The following FOXP2 variants were observed in gnomAD, a reference collection of about 807,000 sequenced individuals.
The protein encoded by FOXP2 is forkhead box P2, also known as forkhead box protein P2.
In FOXP2, 12 loss-of-function variants were observed where a neutral mutation model predicts 115.8. That is an observed-to-expected ratio of 0.10 (90% CI 0.07 to 0.17). The LOEUF is 0.17. FOXP2 is among the 10% of genes least tolerant of loss of function. FOXP2 has a pLI of 1.00. For synonymous variants in FOXP2, 328 were observed against 297.7 expected (o/e 1.10, Z -1.05); for missense variants, 629 against 843.5 (o/e 0.75, Z 3.15).
At chr7:114,643,145 A>T (rs1338924449) in intron 7 of FOXP2, among the ~76,000 whole-genome samples, 2 of 151,922 alleles carry the variant, frequency 1.3e-5, no homozygotes, top group Non-Finnish European at 2.9e-5. Context: ...CAGTTCAAAT[A>T]CCAAAAGTTT....
intron 2 of FOXP2, among the ~76,000 whole-genome samples, chr7:114,347,313 C>A (rs1053481664): frequency 7.2e-5 from 11 of 151,808 alleles, no homozygotes; most frequent in Non-Finnish European, 1.5e-4. Context: ...CTATACAATA[C>A]GCACACATAT....
At chr7:114,200,344 T>C (rs1794028149) in intron 1 of FOXP2, among the ~76,000 whole-genome samples, 1 of 152,210 alleles carries the variant, frequency 6.6e-6, no homozygotes, top group Admixed American at 6.5e-5. Flanking sequence ...GACATAGATA[T>C]AATATGTGAC....
At chr7:114,318,978 T>C (rs966909053) in intron 2 of FOXP2, among the ~76,000 whole-genome samples, 3 of 152,108 alleles carry the variant, frequency 2.0e-5, no homozygotes, top group Admixed American at 6.6e-5. Context: ...AAAATGTGGA[T>C]AGAATAAAAT....
intron 2 of FOXP2, among the ~76,000 whole-genome samples, chr7:114,309,334 C>A (rs543060980): frequency 6.6e-6 from 1 of 152,174 alleles, no homozygotes; most frequent in Non-Finnish European, 1.5e-5. Context: ...TTTTGACAAT[C>A]ACCGTACGAA....
intron 3 of FOXP2, among the ~76,000 whole-genome samples, chr7:114,578,426 C>T (rs1191325680): frequency 6.6e-6 from 1 of 151,844 alleles, no homozygotes; most frequent in Non-Finnish European, 1.5e-5. Context: ...AATTCAACTC[C>T]TTTATTTTAC....
chr7:114,589,378 G>A (rs1013021404), intron 3 of FOXP2, among the ~76,000 whole-genome samples: 6 of 152,064 alleles, frequency 3.9e-5, no homozygotes, highest in Non-Finnish European at 8.8e-5. Flanking sequence ...CCCTTAAAAA[G>A]GGGATGTGTT....
chr7:114,355,860 C>G (rs149821638), intron 2 of FOXP2, among the ~76,000 whole-genome samples: 2 of 152,264 alleles, frequency 1.3e-5, no homozygotes, highest in African/African-American at 4.8e-5. Context: ...CCTAGGCTCC[C>G]TACTTTGTTA....
intron 2 of FOXP2, among the ~76,000 whole-genome samples, chr7:114,473,699 A>G (rs553072281): frequency 9.9e-5 from 15 of 152,242 alleles, no homozygotes; most frequent in Admixed American, 2.0e-4. Context: ...ATACCATGGT[A>G]GCATCTGGGA....
intron 3 of FOXP2, among the ~76,000 whole-genome samples, chr7:114,570,300 C>A (rs2042044896): frequency 6.6e-6 from 1 of 151,770 alleles, no homozygotes; most frequent in Admixed American, 6.6e-5. Flanking sequence ...TAATGCATAA[C>A]CACAGCAGTT....
intron 1 of FOXP2, among the ~76,000 whole-genome samples, chr7:114,134,896 T>G (rs1791996888): frequency 6.6e-6 from 1 of 152,224 alleles, no homozygotes; most frequent in Non-Finnish European, 1.5e-5. Context: ...AATGGTGTCA[T>G]TTAATGGCCA....
At chr7:114,340,681 T>C (rs1791182151) in intron 2 of FOXP2, among the ~76,000 whole-genome samples, 2 of 151,214 alleles carry the variant, frequency 1.3e-5, no homozygotes, top group South Asian at 2.1e-4. Context: ...ATAATACTTT[T>C]TGAAGTTTAC....
intron 3 of FOXP2, among the ~76,000 whole-genome samples, chr7:114,576,942 CACAA>C (rs1220184352): frequency 2.6e-5 from 4 of 151,882 alleles, no homozygotes; most frequent in African/African-American, 9.7e-5. Context: ...TGTGCTCATA[CACAA>C]ACAAACATAC....
rs79837733 is a variant in FOXP2, at chr7:114,453,568, A to C, written c.168+26889A>C. ...GGCAAGACATGTGCCAGGGATTAAAATTTAAGTAAGAAAGATTCTCTCAGT... is the reference window on the plus strand; with the variant it reads ...GGCAAGACATGTGCCAGGGATTAAACTTTAAGTAAGAAAGATTCTCTCAGT... On this transcript the variant is annotated intron_variant, in intron 2 of 16. Coordinates refer to ENST00000350908, the MANE Select transcript of FOXP2 (RefSeq NM_014491.4). Among the ~76,000 whole-genome samples, 868 of 152,246 alleles carry C rather than the reference A, an allele frequency of 5.7e-3. 5 individuals are homozygous for C. The highest frequency in any genetic ancestry group is 0.02 in the African/African-American group (827 of 41,534).
At chr7:114,396,173 C>A (rs1792733094) in intron 2 of FOXP2, among the ~76,000 whole-genome samples, 1 of 151,934 alleles carries the variant, frequency 6.6e-6, no homozygotes, top group South Asian at 2.1e-4. Flanking sequence ...CTCCACTACC[C>A]TTTGCAGCCT....
At chr7:114,367,873 C>T (rs1791917899) in intron 2 of FOXP2, among the ~76,000 whole-genome samples, 2 of 152,126 alleles carry the variant, frequency 1.3e-5, no homozygotes, top group South Asian at 4.1e-4. Flanking sequence ...TTTATAAATA[C>T]ACGTGTATAT....
At chr7:114,313,553 G>A (rs1197341819) in intron 2 of FOXP2, among the ~76,000 whole-genome samples, 1 of 58,314 alleles carries the variant, frequency 1.7e-5, no homozygotes, top group Admixed American at 1.1e-4. Context: ...AGACCATCCC[G>A]GCTAAAACGG....
chr7:114,223,255 A>G (rs1056622575), intron 1 of FOXP2, among the ~76,000 whole-genome samples: 69 of 152,018 alleles, frequency 4.5e-4, no homozygotes, highest in African/African-American at 1.6e-3. Context: ...GCACATGCTC[A>G]TAAACATTTG....
intron 1 of FOXP2, among the ~76,000 whole-genome samples, chr7:114,133,905 C>T (rs1177147761): frequency 1.3e-5 from 2 of 152,092 alleles, no homozygotes; most frequent in Non-Finnish European, 2.9e-5. Flanking sequence ...AGGGCCATGT[C>T]CTTGAACTTA....
intron 2 of FOXP2, among the ~76,000 whole-genome samples, chr7:114,385,958 G>C (rs1584685060): frequency 6.6e-6 from 1 of 152,218 alleles, no homozygotes; most frequent in Non-Finnish European, 1.5e-5. Context: ...TCTATTAGAA[G>C]CCGTGGGTCA....
Sources: gnomAD v4.1 joint callset for allele counts (sites outside exome capture counted in the v4.1 genomes callset) on GRCh38, gnomAD v4.1.1 for gene constraint, MANE v1.5 for transcripts, NCBI Gene and HGNC (gene_info 2026-07-23, HGNC 2026-07-21) for gene names.